The following PPRC1 variants were observed in gnomAD, a reference collection of about 807,000 sequenced individuals.
PPRC1 encodes the protein PPARG related coactivator 1.
In PPRC1, 23 loss-of-function variants were observed where a neutral mutation model predicts 132.5. The observed-to-expected ratio is 0.17, with a 90% confidence interval of 0.12 to 0.25. The LOEUF (loss-of-function observed/expected upper bound fraction) is 0.25. Among genes scored for constraint, PPRC1 ranks in the 10% least tolerant of loss-of-function variants. The probability of loss-of-function intolerance (pLI) is 1.00; values close to 1 mark genes in which losing one functional copy is unlikely to be tolerated. For missense variants in PPRC1, 2,006 were observed against 2,089.1 expected, an observed-to-expected ratio of 0.96 and a Z score of 0.78; for synonymous variants, 872 against 833.5, an observed-to-expected ratio of 1.05 and a Z score of -0.80.
At chr10:102,146,565 T>C in intron 8 of PPRC1, 107 bp from the exon 9 acceptor site, 2 of 1,435,290 alleles carry the variant, frequency 1.4e-6, no homozygotes, top group South Asian at 1.5e-5. Flanking sequence ...CCTTGCTTGG[T>C]GTACTTTGTG....
Position 102,138,762 on chromosome 10 carries a change from C to T in PPRC1, c.486C>T (p.Ser162=), listed in dbSNP as rs142236095. The T allele has an allele frequency of 1.2e-6, 2 of 1,614,168 alleles. No homozygotes were observed. The highest frequency in any genetic ancestry group is 1.3e-5 in the African/African-American group (1 of 75,040). Residue 162 remains serine (S), a synonymous_variant, in exon 3 of 14, where the codon TCC becomes TCT. Transcript: ENST00000278070. Reference sequence around the variant, plus strand: ...TGCTTGTGTCACCCCGGGAGGGCTCCTCTGTGAGTGTGGGACCAGGGGAAG... The same window carrying T: ...TGCTTGTGTCACCCCGGGAGGGCTCTTCTGTGAGTGTGGGACCAGGGGAAG... The part of the protein sequence containing the change: ...SELLVSPREG[S]SLHKLLTLSR...
the PPRC1 span, among the ~76,000 whole-genome samples, chr10:102,123,500 ATGTGTG>A: frequency 3.3e-5 from 5 of 152,028 alleles, no homozygotes; most frequent in African/African-American, 1.2e-4. Context: ...CTCCCTCTGT[ATGTGTG>A]TGGTAAAATT....
Position 102,139,921 on chromosome 10 carries a change from T to C in PPRC1, c.1413T>C (p.Cys471=). Residue 471 remains cysteine, a synonymous_variant, in exon 5 of 14, where the codon TGT becomes TGC. Transcript: ENST00000278070. ...KKKSKEQPAA[C]VEGYARRLRS... ...AGAGCAAGGAGCAGCCAGCAGCCTGTGTGGAAGGCTATGCCAGGAGGCTGA... is the reference window on the plus strand; with the variant it reads ...AGAGCAAGGAGCAGCCAGCAGCCTGCGTGGAAGGCTATGCCAGGAGGCTGA... The C allele has an allele frequency of 6.2e-7, 1 of 1,614,210 alleles. No individual in the cohort carries two copies. The highest frequency in any genetic ancestry group is 8.5e-7 in the Non-Finnish European group (1 of 1,180,034).
the PPRC1 span, among the ~76,000 whole-genome samples, chr10:102,125,124 G>A: frequency 1.6e-3 from 242 of 151,794 alleles, 1 homozygote; most frequent in African/African-American, 5.5e-3. Flanking sequence ...ACAGAGTCTC[G>A]CTCTGTCACC....
Position 102,140,413 on chromosome 10 carries a change from C to T in PPRC1, c.1905C>T (p.Val635=), listed in dbSNP as rs267602342. The change falls in exon 5 of 14, where the codon GTC becomes GTT. Residue 635 remains valine (V), a synonymous_variant. Transcript: ENST00000278070. ...CTGAGCCAGTGCTGATCAACCCAGTCCTGGCTGACTCAGCAGCAGTTGACC... is the reference window on the plus strand; with the variant it reads ...CTGAGCCAGTGCTGATCAACCCAGTTCTGGCTGACTCAGCAGCAGTTGACC... The part of the protein sequence containing the change: ...LPAEPVLINP[V]LADSAAVDPA... 1 of 1,614,160 alleles carries T rather than the reference C, an allele frequency of 6.2e-7. No homozygotes were observed. The highest frequency in any genetic ancestry group is 8.5e-7 in the Non-Finnish European group (1 of 1,180,026).
At chr10:102,129,528 C>T (rs898444793), upstream of PPRC1, among the ~76,000 whole-genome samples, 5 of 152,160 alleles carry the variant, frequency 3.3e-5, no homozygotes, top group Non-Finnish European at 7.4e-5. Context: ...CAAAACGTTC[C>T]GCTTTCTTTT....
chr10:102,138,310 T>C (rs1465847640), intron 2 of PPRC1, among the ~76,000 whole-genome samples: 1 of 152,230 alleles, frequency 6.6e-6, no homozygotes, highest in Non-Finnish European at 1.5e-5. Context: ...CAGAGGATTC[T>C]GATCTCTGTT....
chr10:102,121,082 G>A, the PPRC1 span, among the ~76,000 whole-genome samples: 1 of 152,164 alleles, frequency 6.6e-6, no homozygotes, highest in Non-Finnish European at 1.5e-5. Flanking sequence ...AACTAAAAGG[G>A]TTAATTAAGT....
intron 7 of PPRC1, chr10:102,144,785 G>T (rs1348197713): frequency 1.8e-6 from 1 of 541,182 alleles, no homozygotes. Flanking sequence ...TGAAGGAGGT[G>T]GGGGGTATTC....
rs1301494356 is a variant in PPRC1, at chr10:102,140,318, C to T, written c.1810C>T (p.Pro604Ser). Residue 604 changes from proline (P) to serine (S), a missense_variant, in exon 5 of 14, where the codon CCT (proline) becomes TCT (serine). Pro to Ser is a moderately conservative substitution (Grantham distance 74). Transcript: ENST00000278070. ...PTAVGPVLAG[P>S]VPVDPGLVDL... ...TGCAGTTGGCCCTGTTCTAGCTGGCCCTGTACCTGTTGACCCTGGGTTGGT... is the reference window on the plus strand; with the variant it reads ...TGCAGTTGGCCCTGTTCTAGCTGGCTCTGTACCTGTTGACCCTGGGTTGGT... 1.2e-6 allele frequency: 2 copies of T among 1,614,200 alleles called. No homozygotes were observed. Among genetic ancestry groups the T allele is most frequent in the Non-Finnish European group, 1.7e-6 (2 of 1,180,034 alleles).
chr10:102,148,607 G>A lies in PPRC1; in HGVS notation c.4551-21G>A, dbSNP rs1189540748. The A allele has an allele frequency of 6.2e-7, 1 of 1,614,086 alleles. No individual in the cohort carries two copies. The highest frequency in any genetic ancestry group is 8.5e-7 in the Non-Finnish European group (1 of 1,179,956). ...TGAATTGTCTTATGTTTGGGGGGCT[G>A]ATGACACCCTCTTTTGTCAGGTACA... On this transcript the variant is annotated intron_variant, in intron 10 of 13. Transcript: ENST00000278070. This position sits in a 1 kb window ranked among gnomAD's most constrained non-coding sequence, Gnocchi z 4.2.
At position 102,139,951 on chromosome 10, in the gene PPRC1, ATCT is replaced by A. The variant is rs753187499; in HGVS notation, c.1447_1449del (p.Ser483del). The stretch of plus-strand genomic sequence containing the variant: ...AAGGCTATGCCAGGAGGCTGAGGTC[ATCT>A]TCTCGCGGGCAGTCTACTGTAGGTA... On this transcript the variant is annotated inframe_deletion, in exon 5 of 14. Coordinates refer to ENST00000278070, the MANE Select transcript of PPRC1 (RefSeq NM_015062.5). 3.1e-6 allele frequency: 5 copies of A among 1,614,208 alleles called. No homozygotes were observed. Among genetic ancestry groups the A allele is most frequent in the Middle Eastern group, 1.6e-4 (1 of 6,062 alleles).
Position 102,150,099 on chromosome 10 carries a change from C to G in PPRC1, c.*70C>G. ...CAACCTCCTCCACCCCCTTCCCCTA[C>G]TCTAGGGGAGAGAGCTGCTAGTGAG... On this transcript the variant is annotated 3_prime_UTR_variant, in exon 14 of 14. Coordinates refer to ENST00000278070, the MANE Select transcript of PPRC1 (RefSeq NM_015062.5). 9.6e-5 allele frequency: 107 copies of G among 1,113,476 alleles called. No individual in the cohort carries two copies. The highest frequency in any genetic ancestry group is 1.4e-4 in the Non-Finnish European group (101 of 731,306). 69.0% of individuals were successfully genotyped at this position (1,113,476 alleles called of 1,614,324 possible). A position where few individuals can be genotyped will look rare whatever the true frequency, so the allele number is the denominator to read the frequency against.
rs780302483 is a variant in PPRC1 at position 102,139,815 on chromosome 10, C to T, written c.1307C>T (p.Pro436Leu). ...CLLKPREVVE[P>L]VVPKEPQNPP... ...TTGAAGCCCAGGGAGGTCGTGGAGC[C>T]GGTGGTGCCCAAGGAGCCTCAGAAC... Residue 436 changes from proline (P) to leucine (L), a missense_variant, in exon 5 of 14, where the codon CCG (proline) becomes CTG (leucine). By Grantham distance (98) the Pro-to-Leu change is moderately conservative (BLOSUM62 -3). Around this residue, in one of 2 missense-constraint regions of PPRC1, gnomAD observed 1,914 missense variants for 1,917.2 expected, o/e 1.00. Transcript: ENST00000278070. 53 of 1,614,038 alleles carry T rather than the reference C, an allele frequency of 3.3e-5. 1 individual carries two copies. Among genetic ancestry groups the T allele is most frequent in the East Asian group, 8.9e-5 (4 of 44,902 alleles).
chr10:102,139,916 G>A lies in PPRC1; in HGVS notation c.1408G>A (p.Ala470Thr). 1 of 1,614,260 alleles carries A rather than the reference G, an allele frequency of 6.2e-7. No homozygotes were observed. Among genetic ancestry groups the A allele is most frequent in the South Asian group, 1.1e-5 (1 of 91,090 alleles). ...GAAGAAGAGCAAGGAGCAGCCAGCA[G>A]CCTGTGTGGAAGGCTATGCCAGGAG... Reference protein sequence around the residue: ...RKKKSKEQPAACVEGYARRLR... With the variant: ...RKKKSKEQPATCVEGYARRLR... Residue 470 changes from alanine to threonine, a missense_variant, in exon 5 of 14, where the codon GCC becomes ACC. Around this residue, in one of 2 missense-constraint regions of PPRC1, gnomAD observed 1,914 missense variants for 1,917.2 expected, o/e 1.00. Transcript: ENST00000278070.
At chr10:102,146,015 G>C (rs983137152) in intron 8 of PPRC1, among the ~76,000 whole-genome samples, 4 of 152,196 alleles carry the variant, frequency 2.6e-5, no homozygotes, top group African/African-American at 9.7e-5. Context: ...GGGCATTCTA[G>C]GAAGACAGAG....
the PPRC1 span, chr10:102,120,388 C>T: frequency 3.0e-6 from 3 of 984,152 alleles, no homozygotes; most frequent in South Asian, 4.7e-5. Flanking sequence ...TGCGTGTGTG[C>T]GCGTGTGCGT....
At chr10:102,130,691 C>T (rs1325912647), upstream of PPRC1, among the ~76,000 whole-genome samples, 2 of 151,896 alleles carry the variant, frequency 1.3e-5, no homozygotes, top group Non-Finnish European at 2.9e-5. Context: ...GCCGAGATTG[C>T]GCCATTGCAC....
rs1460896547 is a variant in PPRC1 at position 102,141,403 on chromosome 10, C to T, written c.2895C>T (p.Pro965=). Reference sequence around the variant, plus strand: ...CCACTTGCAGTGTGCCTTGGGCACCCCCTCCTGCCCCAGTCTCACCTTACA... The same window carrying T: ...CCACTTGCAGTGTGCCTTGGGCACCTCCTCCTGCCCCAGTCTCACCTTACA... ...VPPTCSVPWA[P]PPAPVSPYSS... Residue 965 remains proline, a synonymous_variant, in exon 5 of 14, where the codon CCC becomes CCT. Coordinates refer to ENST00000278070, the MANE Select transcript of PPRC1 (RefSeq NM_015062.5). The T allele has an allele frequency of 1.2e-6, 2 of 1,613,900 alleles. No homozygotes were observed. Among genetic ancestry groups the T allele is most frequent in the Admixed American group, 1.7e-5 (1 of 60,010 alleles).
Sources: gnomAD v4.1 joint callset for allele counts (sites outside exome capture counted in the v4.1 genomes callset) on GRCh38, gnomAD v4.1.1 for gene constraint, gnomAD v4.1.1 regional missense constraint, Gnocchi (gnomAD v3.1) non-coding constraint, MANE v1.5 for transcripts, NCBI Gene and HGNC (gene_info 2026-07-23, HGNC 2026-07-21) for gene names.